CEACAM1: variants seen among roughly 807,000 people sequenced by gnomAD.
CEACAM1 encodes the protein CEA cell adhesion molecule 1, also known as cell adhesion molecule CEACAM1.
In CEACAM1, 31 loss-of-function variants were observed where a neutral mutation model predicts 49.1. The ratio of observed to expected loss-of-function variants is 0.63; its 90% CI spans 0.47 to 0.85. The LOEUF is 0.85. CEACAM1 is among the 40% of genes least tolerant of loss of function. The probability of loss-of-function intolerance (pLI) is 0.00; values close to 1 mark genes in which losing one functional copy is unlikely to be tolerated. For synonymous variants in CEACAM1, 244 were observed against 247.8 expected (o/e 0.98, Z 0.14); for missense variants, 570 against 645.3 (o/e 0.88, Z 1.26).
In CEACAM1 at chr19:42,522,102, G is replaced by C. The variant is rs749654106; in HGVS notation, c.525C>G (p.Thr175=). Residue 175 remains threonine (T), a synonymous_variant, in exon 3 of 9, where the codon ACC becomes ACG. Transcript: ENST00000161559. The stretch of plus-strand genomic sequence containing the variant: ...TCTGATTGTTTATCCACCACAGGTA[G>C]GTTGTGTCCTGAGTCTCAGGTTCAC... ...FTCEPETQDT[T]YLWWINNQSL... is the part of the protein sequence containing the mutation. 65 of 1,614,094 alleles carry C rather than the reference G, an allele frequency of 4.0e-5. No homozygotes were observed. In the East Asian group the frequency reaches 1.1e-3, roughly 27 times the overall value.
At chr19:42,511,518 A>T in intron 7 of CEACAM1, 58 bp downstream of exon 7, 1 of 1,395,248 alleles carries the variant, frequency 7.2e-7, no homozygotes, top group Non-Finnish European at 1.0e-6. Context: ...ATTCCCTGCC[A>T]GGGGAGGGCA....
At chr19:42,519,280 T>C (rs565875669) in intron 4 of CEACAM1, 45 bp from the exon 5 acceptor site, 3 of 1,597,946 alleles carry the variant, frequency 1.9e-6, no homozygotes, top group Admixed American at 1.7e-5. Flanking sequence ...GAGAATAGGG[T>C]TGGGGCCTGG....
At position 42,515,818 on chromosome 19, in the gene CEACAM1, C is replaced by T. The variant is rs183825776; in HGVS notation, c.1246+3130G>A. Among the ~76,000 whole-genome samples the T allele has an allele frequency of 1.3e-4, 20 of 152,196 alleles. No homozygotes were observed. In the East Asian group the frequency reaches 3.7e-3, roughly 28 times the overall value. On this transcript the variant is annotated intron_variant, in intron 5 of 8. Transcript: ENST00000161559. ...AGAAATAATAAGGATTATAAGAGTACTATGAGTAATTGAATGCCAACAAAT... is the reference window on the plus strand; with the variant it reads ...AGAAATAATAAGGATTATAAGAGTATTATGAGTAATTGAATGCCAACAAAT...
intron 4 of CEACAM1, among the ~76,000 whole-genome samples, chr19:42,520,173 C>T (rs1377489028): frequency 3.3e-5 from 5 of 152,178 alleles, no homozygotes. Flanking sequence ...TTTGGCATTG[C>T]CCATTCTCTC....
chr19:42,508,763 G>C lies in CEACAM1; in HGVS notation c.*346C>G, dbSNP rs577223370. ...CGAATTAGAGTGATAGGACAGGACTGGGGGTGGGAAGGAATGAGTGCTCTG... is the reference window on the plus strand; with the variant it reads ...CGAATTAGAGTGATAGGACAGGACTCGGGGTGGGAAGGAATGAGTGCTCTG... On this transcript the variant is annotated 3_prime_UTR_variant, in exon 9 of 9. Transcript: ENST00000161559. 45 of 257,526 alleles carry C rather than the reference G, an allele frequency of 1.7e-4. No individual in the cohort carries two copies. The highest frequency in any genetic ancestry group is 9.2e-4 in the African/African-American group (40 of 43,338). The allele number at this position is 257,526 out of a possible 1,614,324, so 16.0% of individuals were successfully genotyped here.
intron 2 of CEACAM1, among the ~76,000 whole-genome samples, chr19:42,522,801 G>A (rs1270176505): frequency 6.6e-6 from 1 of 152,056 alleles, no homozygotes; most frequent in African/African-American, 2.4e-5. Flanking sequence ...TGATCTGCCC[G>A]CCTCGGCCTC....
At chr19:42,521,637 C>A in intron 3 of CEACAM1, 116 bp from the exon 4 acceptor site, 1 of 1,532,386 alleles carries the variant, frequency 6.5e-7, no homozygotes, top group Non-Finnish European at 8.8e-7. Context: ...AAGTCCTAAC[C>A]AAACCTCCAT....
At chr19:42,511,214 G>T in intron 7 of CEACAM1, 1 of 573,980 alleles carries the variant, frequency 1.7e-6, no homozygotes, top group Non-Finnish European at 3.1e-6. Context: ...GGGGCATTGA[G>T]ACTTGTAGCA....
chr19:42,527,504 AGTGTGTGTGTGTGTGT>A (rs3038002), intron 1 of CEACAM1, 104 bp from the exon 2 acceptor site: 145 of 715,632 alleles, frequency 2.0e-4, no homozygotes, highest in African/African-American at 8.3e-4. Context: ...TCCACCTTGG[AGTGTGTGTGTGTGTGT>A]GTGTGTGTGT....
chr19:42,513,893 C>CATATATATATATATATATATATATAT (rs144403954), intron 5 of CEACAM1, among the ~76,000 whole-genome samples: 8 of 104,952 alleles, frequency 7.6e-5, no homozygotes, highest in African/African-American at 3.9e-4. Context: ...CTTCTCCCTC[C>CATATATATATATATATATATATATAT]ATATATATAT....
At chr19:42,521,007 C>T (rs1156265642) in intron 4 of CEACAM1, 1 of 480,784 alleles carries the variant, frequency 2.1e-6, no homozygotes, top group East Asian at 3.3e-5. Context: ...TGTGAAGCCC[C>T]TCCTGCTACA....
intron 5 of CEACAM1, among the ~76,000 whole-genome samples, chr19:42,517,374 A>G (rs1034206444): frequency 4.6e-5 from 7 of 152,254 alleles, no homozygotes; most frequent in African/African-American, 1.7e-4. Context: ...ACATTATCAC[A>G]AAAGTGAAAA....
At chr19:42,524,261 A>AACCCATCAGACAGC (rs1369058774) in intron 2 of CEACAM1, among the ~76,000 whole-genome samples, 1 of 152,178 alleles carries the variant, frequency 6.6e-6, no homozygotes, top group African/African-American at 2.4e-5. Flanking sequence ...ATGGGCAGCA[A>AACCCATCAGACAGC]ACCCATCAGA....
intron 4 of CEACAM1, chr19:42,520,908 A>C: frequency 4.1e-6 from 1 of 245,612 alleles, no homozygotes. Flanking sequence ...ATCTCATGGA[A>C]TAGGTAAAAG....
chr19:42,517,687 G>A (rs1289937171), intron 5 of CEACAM1, among the ~76,000 whole-genome samples: 1 of 152,200 alleles, frequency 6.6e-6, no homozygotes, highest in East Asian at 1.9e-4. Context: ...AGCAACAAAT[G>A]TTTTTGAAGA....
intron 4 of CEACAM1, among the ~76,000 whole-genome samples, chr19:42,519,665 G>A (rs2041694206): frequency 6.6e-6 from 1 of 151,882 alleles, no homozygotes; most frequent in South Asian, 2.1e-4. Flanking sequence ...TGCCTCCCGG[G>A]TTCAAGCCAT....
Position 42,511,358 on chromosome 19 carries a change from G to A in CEACAM1, c.1429+218C>T, listed in dbSNP as rs1600211994. 5 of 601,782 alleles carry A rather than the reference G, an allele frequency of 8.3e-6. No individual in the cohort carries two copies. The East Asian group carries it at 8.3e-5, about 10-fold the overall frequency. The allele number at this position is 601,782 out of a possible 1,614,324, so 37.3% of individuals were successfully genotyped here. Reference sequence around the variant, plus strand: ...ATGGGATCTTCCTCAGGCCTGCCTGGCCTAGGCAGAGTGAGCCTCTCTCCT... The same window carrying A: ...ATGGGATCTTCCTCAGGCCTGCCTGACCTAGGCAGAGTGAGCCTCTCTCCT... On this transcript the variant is annotated intron_variant, in intron 7 of 8. Coordinates refer to ENST00000161559, the MANE Select transcript of CEACAM1 (RefSeq NM_001712.5).
intron 6 of CEACAM1, 98 bp from the exon 7 acceptor site, chr19:42,511,726 C>A (rs1600212791): frequency 4.5e-6 from 5 of 1,121,170 alleles, no homozygotes; most frequent in East Asian, 4.7e-5. Context: ...TCCTTAGAGT[C>A]CTTGATGTTC....
At chr19:42,511,075 TA>T (rs1342909813) in intron 7 of CEACAM1, 155 bp from the exon 8 acceptor site, 2 of 691,372 alleles carry the variant, frequency 2.9e-6, no homozygotes, top group Non-Finnish European at 2.6e-6. Flanking sequence ...CCCAGCATGT[TA>T]GTACCAGAGA....
Sources: allele counts gnomAD v4.1 joint callset (sites outside exome capture counted in the v4.1 genomes callset), GRCh38; gene constraint gnomAD v4.1.1; transcripts MANE v1.5; gene names NCBI Gene and HGNC (gene_info 2026-07-23, HGNC 2026-07-21).